Variants in NDRG2 observed in about 807,000 individuals in gnomAD.
NDRG2 encodes NDRG family member 2, also known as protein NDRG2.
A neutral mutation model predicts 58.2 loss-of-function variants in NDRG2; 34 were observed. The ratio of observed to expected loss-of-function variants is 0.58; its 90% CI spans 0.44 to 0.78. The LOEUF (loss-of-function observed/expected upper bound fraction) is 0.78, where lower values mean the gene tolerates loss of function less well. NDRG2 is among the 30% of genes least tolerant of loss of function. NDRG2 has a pLI of 0.00. For missense variants in NDRG2, 434 were observed against 471.2 expected, an observed-to-expected ratio of 0.92 and a Z score of 0.73; for synonymous variants, 187 against 175.9, an observed-to-expected ratio of 1.06 and a Z score of -0.50.
upstream of NDRG2, among the ~76,000 whole-genome samples, chr14:21,026,368 T>G (rs1027679772): frequency 7.2e-6 from 1 of 138,724 alleles, no homozygotes; most frequent in African/African-American, 2.8e-5. Flanking sequence ...GGTTCCTGAG[T>G]TGCCATTTCG....
intron 1 of NDRG2, among the ~76,000 whole-genome samples, chr14:21,060,071 T>C (rs543368430): frequency 7.2e-5 from 11 of 152,102 alleles, no homozygotes. Context: ...CCCCTCTTCT[T>C]CCCCATGCTA....
chr14:21,019,663 T>A lies in NDRG2; in HGVS notation c.692A>T (p.Glu231Val), dbSNP rs368506958. Residue 231 changes from glutamate to valine, a missense_variant, in exon 10 of 16, where the codon GAA (glutamate) becomes GTA (valine). Transcript: ENST00000556147. Reference sequence around the variant, plus strand: ...CTTGTTGTAGCTGTTCCAGTACAATTCAATGTTATCCAGGTTGGGTGCATG... The same window carrying A: ...CTTGTTGTAGCTGTTCCAGTACAATACAATGTTATCCAGGTTGGGTGCATG... ...ITHAPNLDNI[E>V]LYWNSYNNRR... 5 of 1,613,128 alleles carry A rather than the reference T, an allele frequency of 3.1e-6. No individual in the cohort carries two copies. In the African/African-American group the frequency reaches 6.7e-5, roughly 22 times the overall value.
upstream of NDRG2, chr14:21,025,240 C>T: frequency 3.6e-6 from 3 of 835,688 alleles, no homozygotes; most frequent in Non-Finnish European, 4.3e-6. The surrounding 1 kb of genome is among the most constrained non-coding windows in gnomAD (Gnocchi z 5.1). Flanking sequence ...GGCCGGGGGG[C>T]GAGGGGCGGG....
intron 1 of NDRG2, among the ~76,000 whole-genome samples, chr14:21,064,535 C>G (rs1316761712): frequency 6.6e-6 from 1 of 152,204 alleles, no homozygotes; most frequent in Non-Finnish European, 1.5e-5. Flanking sequence ...CTCCTGACCT[C>G]AGGTGACCCG....
At chr14:21,026,936 G>A (rs529799758), upstream of NDRG2, among the ~76,000 whole-genome samples, 1 of 146,434 alleles carries the variant, frequency 6.8e-6, no homozygotes, top group African/African-American at 2.8e-5. Context: ...CTGGGGAGAG[G>A]GAGAGCCTCG....
intron 1 of NDRG2, among the ~76,000 whole-genome samples, chr14:21,061,307 T>C (rs1192223825): frequency 6.6e-6 from 1 of 151,840 alleles, no homozygotes; most frequent in African/African-American, 2.4e-5. Flanking sequence ...CTGGGAAGAG[T>C]GTGAAAAGCA....
At chr14:21,022,535 G>A (rs1403230020) in intron 3 of NDRG2, 38 bp from the exon 4 acceptor site, 2 of 1,507,740 alleles carry the variant, frequency 1.3e-6, no homozygotes, top group Admixed American at 1.7e-5. Flanking sequence ...AGGCTCAGAG[G>A]AGACGAGGCC....
In NDRG2 at chr14:21,019,736, G is replaced by A; in HGVS notation, c.619C>T (p.Leu207Phe). Residue 207 changes from leucine (L) to phenylalanine (F), a missense_variant, in exon 10 of 16, where the codon CTC (leucine) becomes TTC (phenylalanine). Leu to Phe is a conservative substitution (Grantham distance 22). Transcript: ENST00000556147. Reference protein sequence around the residue: ...ILGHLFSQEELSGNSELIQKY... With the variant: ...ILGHLFSQEEFSGNSELIQKY... Reference sequence around the variant, plus strand: ...TGTATCAACTCAGAATTTCCAGAGAGCTCTTCCTGAAGGAGAGAACAAGGA... The same window carrying A: ...TGTATCAACTCAGAATTTCCAGAGAACTCTTCCTGAAGGAGAGAACAAGGA... 1.2e-6 allele frequency: 2 copies of A among 1,610,364 alleles called. No homozygotes were observed. The highest frequency in any genetic ancestry group is 1.7e-6 in the Non-Finnish European group (2 of 1,176,684).
In NDRG2 at chr14:21,020,838, A is replaced by G. The variant is rs1363796899; in HGVS notation, c.414T>C (p.Ser138=). The change falls in exon 7 of 16, where the codon TCT becomes TCC. Residue 138 remains serine, a synonymous_variant. Coordinates refer to ENST00000556147, the MANE Select transcript of NDRG2 (RefSeq NM_001320329.2). ...IPCVLQYLNF[S]TIIGVGVGAG... ...CTCCAACACCAACTCCAATTATTGT[A>G]GAGAAACTGTGAAAGGGAAAGAAAT... 15 of 1,613,210 alleles carry G rather than the reference A, an allele frequency of 9.3e-6. No homozygotes were observed. The highest frequency in any genetic ancestry group is 1.6e-4 in the Middle Eastern group (1 of 6,082).
At chr14:21,031,158 G>C (rs142073310) in intron 1 of NDRG2, 2 of 1,613,534 alleles carry the variant, frequency 1.2e-6, no homozygotes, top group African/African-American at 2.7e-5. Context: ...GCCACCACTG[G>C]CGCTACTGTG....
rs768193625 is a variant in NDRG2, at chr14:21,017,717, G to A, written c.995C>T (p.Ser332Phe). The change falls in exon 16 of 16, where the codon TCT becomes TTT. Residue 332 changes from serine (S) to phenylalanine (F), a missense_variant. By Grantham distance (155) the Ser-to-Phe change is radical. Coordinates refer to ENST00000556147, the MANE Select transcript of NDRG2 (RefSeq NM_001320329.2). ...ATCAACGGATGCTGCACTGGTCAGA[G>A]AGGCTGTACGAGACCGGGACAGGCG... ...MTRLSRSRTA[S>F]LTSAASVDGN... 6.2e-7 allele frequency: 1 copy of A among 1,604,272 alleles called. No homozygotes were observed. The highest frequency in any genetic ancestry group is 8.5e-7 in the Non-Finnish European group (1 of 1,175,236).
At chr14:21,031,473 C>T (rs974098148) in intron 1 of NDRG2, among the ~76,000 whole-genome samples, 1 of 152,186 alleles carries the variant, frequency 6.6e-6, no homozygotes, top group African/African-American at 2.4e-5. Context: ...GATGCCCACT[C>T]CTCTTCCAAT....
At chr14:21,033,034 G>A (rs891898639) in intron 1 of NDRG2, 7 of 453,498 alleles carry the variant, frequency 1.5e-5, no homozygotes, top group Non-Finnish European at 2.2e-5. Context: ...GGGGATTTGG[G>A]AGGAGCTTCT....
chr14:21,016,879 C>T lies in NDRG2; in HGVS notation c.*717G>A, dbSNP rs1566445210. 1 of 456,446 alleles carries T rather than the reference C, an allele frequency of 2.2e-6. No individual in the cohort carries two copies. Among genetic ancestry groups the T allele is most frequent in the Non-Finnish European group, 4.4e-6 (1 of 226,804 alleles). 28.3% of individuals were successfully genotyped at this position (456,446 alleles called of 1,614,324 possible). On this transcript the variant is annotated 3_prime_UTR_variant, in exon 16 of 16. Transcript: ENST00000556147. Reference sequence around the variant, plus strand: ...GAGCCCCAGGGTAGCCCTTTCCACCCTATGCCAAGCCCCAAGCAGCCCAGC... The same window carrying T: ...GAGCCCCAGGGTAGCCCTTTCCACCTTATGCCAAGCCCCAAGCAGCCCAGC...
At chr14:21,043,628 G>C in intron 1 of NDRG2, 1 of 606,994 alleles carries the variant, frequency 1.6e-6, no homozygotes, top group African/African-American at 1.9e-5. Flanking sequence ...CTGAGCTCTA[G>C]AGGGATGGCT....
rs753203762 is a variant in NDRG2, at chr14:21,070,370, G to C, written c.24+458C>G. The C allele has an allele frequency of 7.1e-7, 1 of 1,406,376 alleles. No homozygotes were observed. The highest frequency in any genetic ancestry group is 9.2e-7 in the Non-Finnish European group (1 of 1,088,442). The allele number at this position is 1,406,376 out of a possible 1,614,324, so 87.1% of individuals were successfully genotyped here. A position where few individuals can be genotyped will look rare whatever the true frequency, so the allele number is the denominator to read the frequency against. Reference sequence around the variant, plus strand: ...CGCCCGGCCCCGCCCGCCCGACCAAGCGTCGGACGCGGCCCGGCGCCGAGC... The same window carrying C: ...CGCCCGGCCCCGCCCGCCCGACCAACCGTCGGACGCGGCCCGGCGCCGAGC... On this transcript the variant is annotated intron_variant, in intron 1 of 14. Coordinates refer to the NDRG2 transcript ENST00000403829. This position sits in a 1 kb window ranked among gnomAD's most constrained non-coding sequence, Gnocchi z 4.7.
At chr14:21,036,291 C>G (rs2139099117) in intron 1 of NDRG2, 1 of 456,076 alleles carries the variant, frequency 2.2e-6, no homozygotes, top group Non-Finnish European at 4.4e-6. Flanking sequence ...AAGTGTGATC[C>G]CTTCTTTCGT....
At chr14:21,041,887 C>T (rs1477752713) in intron 1 of NDRG2, among the ~76,000 whole-genome samples, 1 of 152,116 alleles carries the variant, frequency 6.6e-6, no homozygotes. Context: ...CGTGTCTGTT[C>T]CATCTCCTCC....
In NDRG2 at chr14:21,033,469, A is replaced by G. The variant is rs1884387718; in HGVS notation, c.25-10148T>C. 7 of 337,722 alleles carry G rather than the reference A, an allele frequency of 2.1e-5. No homozygotes were observed. The South Asian group carries it at 2.2e-4, about 11-fold the overall frequency. The allele number at this position is 337,722 out of a possible 1,614,324, so 20.9% of individuals were successfully genotyped here. A position where few individuals can be genotyped will look rare whatever the true frequency, so the allele number is the denominator to read the frequency against. On this transcript the variant is annotated intron_variant, in intron 1 of 14. Coordinates refer to the NDRG2 transcript ENST00000403829. Reference sequence around the variant, plus strand: ...AGCTGGTGCCTGTTGCCATGGTGTGAGCTGAGGCCCTGGGCCTCCATCCAG... The same window carrying G: ...AGCTGGTGCCTGTTGCCATGGTGTGGGCTGAGGCCCTGGGCCTCCATCCAG...
Sources: gnomAD v4.1 joint callset for allele counts (sites outside exome capture counted in the v4.1 genomes callset) on GRCh38, gnomAD v4.1.1 for gene constraint, Gnocchi (gnomAD v3.1) non-coding constraint, MANE v1.5 for transcripts, NCBI Gene and HGNC (gene_info 2026-07-23, HGNC 2026-07-21) for gene names.